Variants in PTGER3 observed in about 807,000 individuals in gnomAD.
PTGER3 encodes prostaglandin E2 receptor EP3 subtype.
Under a neutral mutation model 34.7 loss-of-function variants are expected in PTGER3, and 22 were observed. The ratio of observed to expected loss-of-function variants is 0.63; its 90% CI spans 0.45 to 0.91. PTGER3 has a LOEUF of 0.91. PTGER3 is among the 40% of genes least tolerant of loss of function. The pLI, the probability that PTGER3 is intolerant of heterozygous loss-of-function variation, is 0.00. For synonymous variants in PTGER3, 241 were observed against 230.1 expected (o/e 1.05, Z -0.43); for missense variants, 468 against 519.4 (o/e 0.90, Z 0.96).
intron 4 of PTGER3, among the ~76,000 whole-genome samples, chr1:70,903,309 A>G (rs190816083): frequency 8.5e-5 from 13 of 152,282 alleles, no homozygotes; most frequent in Middle Eastern, 3.4e-3. Flanking sequence ...GGTAGTTTTA[A>G]GTCATCAAAG....
At chr1:71,000,580 G>A (rs1656383433) in intron 2 of PTGER3, among the ~76,000 whole-genome samples, 1 of 152,098 alleles carries the variant, frequency 6.6e-6, no homozygotes. Context: ...ATGAAGACAT[G>A]GGATCTAGAC....
chr1:71,047,040 C>G lies in PTGER3; in HGVS notation c.538G>C (p.Gly180Arg). The change falls in exon 1 of 4, where the codon GGC (glycine) becomes CGC (arginine). Residue 180 changes from glycine to arginine, a missense_variant. By Grantham distance (125) the Gly-to-Arg change is moderately radical. Around this residue, in one of 5 missense-constraint regions of PTGER3, gnomAD observed 204 missense variants for 230.8 expected, o/e 0.88. Coordinates refer to ENST00000306666, the MANE Select transcript of PTGER3 (RefSeq NM_198719.2). ...KTRATRAVLLGVWLAVLAFAL... is the reference protein window; with the variant it reads ...KTRATRAVLLRVWLAVLAFAL... ...AAGGCGAGCACGGCCAGCCACACGC[C>G]GAGCAGCACAGCGCGGGTGGCACGC... 1.9e-6 allele frequency: 3 copies of G among 1,611,130 alleles called. No homozygotes were observed. Among genetic ancestry groups the G allele is most frequent in the Non-Finnish European group, 1.7e-6 (2 of 1,178,952 alleles).
At chr1:70,928,120 C>A (rs1557661547) in intron 4 of PTGER3, among the ~76,000 whole-genome samples, 1 of 101,986 alleles carries the variant, frequency 9.8e-6, no homozygotes, top group African/African-American at 3.8e-5. Context: ...ATCCATTCAT[C>A]ATATATATAT....
At chr1:70,856,228 C>T (rs1285280164) in intron 4 of PTGER3, among the ~76,000 whole-genome samples, 2 of 151,952 alleles carry the variant, frequency 1.3e-5, no homozygotes, top group Non-Finnish European at 2.9e-5. Context: ...TATGACCTAG[C>T]CAAGATAACT....
At chr1:70,944,551 A>C (rs1319904771) in intron 4 of PTGER3, among the ~76,000 whole-genome samples, 1 of 152,128 alleles carries the variant, frequency 6.6e-6, no homozygotes, top group East Asian at 1.9e-4. Flanking sequence ...GTCATTTTTT[A>C]AATCTGAATT....
intron 2 of PTGER3, chr1:71,005,890 TTAA>T: frequency 2.2e-6 from 2 of 900,634 alleles, no homozygotes; most frequent in Non-Finnish European, 2.7e-6. Flanking sequence ...TGTATTTATT[TTAA>T]TAATCACAAT....
chr1:70,992,858 C>T (rs953312984), intron 2 of PTGER3, among the ~76,000 whole-genome samples: 1 of 152,104 alleles, frequency 6.6e-6, no homozygotes, highest in African/African-American at 2.4e-5. Flanking sequence ...CTACCATCTT[C>T]GAAGCATTTG....
chr1:70,906,150 T>C (rs1400512245), intron 4 of PTGER3, among the ~76,000 whole-genome samples: 1 of 152,182 alleles, frequency 6.6e-6, no homozygotes, highest in East Asian at 1.9e-4. Flanking sequence ...TCCGCAGCCA[T>C]GTGGAACTGT....
chr1:70,953,298 G>T (rs994134448), intron 3 of PTGER3, among the ~76,000 whole-genome samples: 5 of 152,036 alleles, frequency 3.3e-5, no homozygotes, highest in African/African-American at 1.2e-4. Context: ...ATTTTGGTAG[G>T]GGGAAGGTGG....
intron 4 of PTGER3, among the ~76,000 whole-genome samples, chr1:70,864,521 A>G (rs1645998803): frequency 6.6e-6 from 1 of 152,092 alleles, no homozygotes; most frequent in South Asian, 2.1e-4. Flanking sequence ...TCTTACACCA[A>G]GGGAAAGGAA....
chr1:70,916,210 C>A (rs1357145950), intron 4 of PTGER3, among the ~76,000 whole-genome samples: 2 of 151,798 alleles, frequency 1.3e-5, no homozygotes, highest in Admixed American at 1.3e-4. Context: ...GTCAGAATGG[C>A]TATTAAAAAG....
rs190624868 is a variant in PTGER3 at position 70,871,568 on chromosome 1, T to A, written c.*24-18709A>T. ...TGCTCAAGAAATGCTTGTTGAATTG[T>A]TAAGTCATGATTTTTTCACCATGGG... On this transcript the variant is annotated intron_variant, in intron 4 of 4. Coordinates refer to the PTGER3 transcript ENST00000370931. Among the ~76,000 whole-genome samples, 172 of 152,254 alleles carry A rather than the reference T, an allele frequency of 1.1e-3. 3 individuals are homozygous for A. Among genetic ancestry groups the A allele is most frequent in the Admixed American group, 0.011 (168 of 15,292 alleles).
chr1:71,020,863 T>A (rs1441586550), intron 1 of PTGER3, among the ~76,000 whole-genome samples: 1 of 152,114 alleles, frequency 6.6e-6, no homozygotes, highest in South Asian at 2.1e-4. Flanking sequence ...CTAATTTTGG[T>A]TCTTAACTTC....
rs1657057124 is a variant in PTGER3, at chr1:71,007,309, A to C, written c.1077+4996T>G. 7.1e-6 allele frequency: 7 copies of C among 985,754 alleles called. No homozygotes were observed. The South Asian group carries it at 2.8e-4, about 40-fold the overall frequency. The allele number at this position is 985,754 out of a possible 1,614,324, so 61.1% of individuals were successfully genotyped here. A position where few individuals can be genotyped will look rare whatever the true frequency, so the allele number is the denominator to read the frequency against. On this transcript the variant is annotated intron_variant, in intron 2 of 3. Coordinates refer to ENST00000306666, the MANE Select transcript of PTGER3 (RefSeq NM_198719.2). Reference sequence around the variant, plus strand: ...TTAATTGGTTTGCTTAAACAGGCTTACACTATTTGTACAAAAACATTTGAT... The same window carrying C: ...TTAATTGGTTTGCTTAAACAGGCTTCCACTATTTGTACAAAAACATTTGAT...
intron 2 of PTGER3, among the ~76,000 whole-genome samples, chr1:70,958,660 G>C (rs1003955784): frequency 9.5e-4 from 145 of 152,162 alleles, no homozygotes; most frequent in African/African-American, 3.5e-3. Context: ...TTCCTTTGCT[G>C]TACAGAAGCT....
At chr1:70,994,545 C>T (rs977286696) in intron 2 of PTGER3, among the ~76,000 whole-genome samples, 1 of 151,982 alleles carries the variant, frequency 6.6e-6, no homozygotes, top group African/African-American at 2.4e-5. Flanking sequence ...GCAACCTCCG[C>T]CTCCTGGGTT....
At chr1:70,880,473 T>C (rs1222488316) in intron 4 of PTGER3, among the ~76,000 whole-genome samples, 6 of 151,484 alleles carry the variant, frequency 4.0e-5, no homozygotes, top group Admixed American at 2.6e-4. Flanking sequence ...GTGAATCACC[T>C]GAGGTCAGGA....
intron 4 of PTGER3, among the ~76,000 whole-genome samples, chr1:70,866,730 G>A (rs577641425): frequency 7.7e-4 from 117 of 152,280 alleles, no homozygotes; most frequent in African/African-American, 2.6e-3. Context: ...GGGCACTGGC[G>A]GCTCTATCAG....
intron 2 of PTGER3, chr1:71,010,578 G>GC: frequency 1.0e-6 from 1 of 984,184 alleles, no homozygotes; most frequent in Non-Finnish European, 1.2e-6. Flanking sequence ...AAGAGGTAAA[G>GC]CCTCTTTATT....
Sources: gnomAD v4.1 joint callset for allele counts (sites outside exome capture counted in the v4.1 genomes callset) on GRCh38, gnomAD v4.1.1 for gene constraint, gnomAD v4.1.1 regional missense constraint, MANE v1.5 for transcripts, NCBI Gene and HGNC (gene_info 2026-07-23, HGNC 2026-07-21) for gene names.